PRCC: variants seen among roughly 807,000 people sequenced by gnomAD.
The protein encoded by PRCC is proline-rich protein PRCC.
Under a neutral mutation model 44.0 loss-of-function variants are expected in PRCC, and 10 were observed. The observed-to-expected ratio is 0.23, with a 90% confidence interval of 0.14 to 0.39. The LOEUF (loss-of-function observed/expected upper bound fraction) is 0.39. Among genes scored for constraint, PRCC ranks in the 10% least tolerant of loss-of-function variants. PRCC has a pLI of 1.00. For synonymous variants in PRCC, 278 were observed against 259.5 expected (o/e 1.07, Z -0.69); for missense variants, 573 against 624.7 (o/e 0.92, Z 0.88).
intron 2 of PRCC, among the ~76,000 whole-genome samples, chr1:156,785,589 A>C (rs1056416614): frequency 3.5e-5 from 5 of 140,858 alleles, no homozygotes; most frequent in Non-Finnish European, 6.3e-5. Flanking sequence ...TTCCTATCTA[A>C]GGGGGGGAAA....
Position 156,768,075 on chromosome 1 carries a change from G to A in PRCC, c.304G>A (p.Ala102Thr). The A allele has an allele frequency of 1.3e-6, 2 of 1,590,858 alleles. No individual in the cohort carries two copies. Among genetic ancestry groups the A allele is most frequent in the South Asian group, 1.1e-5 (1 of 88,148 alleles). ...TCCAGGCGTGAGCCCGGCTGAAGCG[G>A]CGGGAGTTGGGGAGGGACTGGGATT... is the stretch of plus-strand genomic sequence containing the variant. ...PPPGVSPAEA[A>T]GVGEGLGLGL... The change falls in exon 1 of 7, where the codon GCG becomes ACG. Residue 102 changes from alanine (A) to threonine (T), a missense_variant. Ala to Thr is a moderately conservative substitution (Grantham distance 58). This residue lies in a region of PRCC where 245 missense variants were observed against 188.5 expected (regional missense o/e 1.30). Coordinates refer to ENST00000271526, the MANE Select transcript of PRCC (RefSeq NM_005973.5).
In PRCC at chr1:156,782,282, T is replaced by G; in HGVS notation, c.469T>G (p.Ser157Ala). Reference sequence around the variant, plus strand: ...CTTACTTCATTTCTTTTTCTCTTAGTCAGATTCTGAGGAAGATGAACCCAC... The same window carrying G: ...CTTACTTCATTTCTTTTTCTCTTAGGCAGATTCTGAGGAAGATGAACCCAC... ...IAAPELHKGD[S>A]DSEEDEPTKK... is the part of the protein sequence containing the mutation. The change falls in exon 2 of 7, where the codon TCA (serine) becomes GCA (alanine). Residue 157 changes from serine to alanine, a missense_variant and splice_region_variant. Ser to Ala is a moderately conservative substitution (Grantham distance 99, BLOSUM62 1). Transcript: ENST00000271526. 6.2e-7 allele frequency: 1 copy of G among 1,604,584 alleles called. No homozygotes were observed. The highest frequency in any genetic ancestry group is 8.5e-7 in the Non-Finnish European group (1 of 1,171,712).
In PRCC at chr1:156,791,746, C is replaced by G. The variant is rs780076114; in HGVS notation, c.1133C>G (p.Pro378Arg). The change falls in exon 4 of 7, where the codon CCC becomes CGC. Residue 378 changes from proline to arginine, a missense_variant. This residue lies in a region of PRCC where 141 missense variants were observed against 130.2 expected (regional missense o/e 1.08). Coordinates refer to ENST00000271526, the MANE Select transcript of PRCC (RefSeq NM_005973.5). The stretch of plus-strand genomic sequence containing the variant: ...CCTGCACAGGACCCGGCCCTGGTCC[C>G]CCCCCAGGAAATTGCCCCAGATGCC... The part of the protein sequence containing the change: ...YYPAQDPALV[P>R]PQEIAPDASF... 1.9e-6 allele frequency: 3 copies of G among 1,613,926 alleles called. No homozygotes were observed. Among genetic ancestry groups the G allele is most frequent in the Admixed American group, 1.7e-5 (1 of 59,962 alleles).
chr1:156,780,264 G>T (rs1186595808), intron 1 of PRCC, among the ~76,000 whole-genome samples: 3 of 151,368 alleles, frequency 2.0e-5, no homozygotes, highest in Non-Finnish European at 4.4e-5. Context: ...TTACCATGTT[G>T]TCTGGGCTGG....
Position 156,786,715 on chromosome 1 carries a change from C to G in PRCC, c.624C>G (p.Pro208=), listed in dbSNP as rs1004630053. The G allele has an allele frequency of 2.5e-6, 4 of 1,614,198 alleles. No homozygotes were observed. Among genetic ancestry groups the G allele is most frequent in the Non-Finnish European group, 2.5e-6 (3 of 1,180,046 alleles). Residue 208 remains proline (P), a synonymous_variant, in exon 3 of 7, where the codon CCC becomes CCG. Transcript: ENST00000271526. ...LLLPHAFSRK[P]SDGSPDTKPS... is the part of the protein sequence containing the mutation. ...TGCCCCATGCCTTCTCCCGCAAACC[C>G]TCGGATGGCTCCCCTGATACTAAGC...
In PRCC at chr1:156,787,014, C is replaced by T. The variant is rs144413095; in HGVS notation, c.923C>T (p.Pro308Leu). The change falls in exon 3 of 7, where the codon CCA becomes CTA. Residue 308 changes from proline (P) to leucine (L), a missense_variant. By Grantham distance (98) the Pro-to-Leu change is moderately conservative (BLOSUM62 -3). This residue lies in a region of PRCC where 141 missense variants were observed against 130.2 expected (regional missense o/e 1.08). Transcript: ENST00000271526. ...GAAGAGCTGCCTCCAGGCACGGAAC[C>T]AGAGCCGGCTTTCCAGGACGATGCA... ...VPEELPPGTE[P>L]EPAFQDDAAN... 3 of 1,614,268 alleles carry T rather than the reference C, an allele frequency of 1.9e-6. No individual in the cohort carries two copies. Among genetic ancestry groups the T allele is most frequent in the Non-Finnish European group, 2.5e-6 (3 of 1,180,042 alleles).
At chr1:156,788,229 T>G (rs1005594199) in intron 3 of PRCC, among the ~76,000 whole-genome samples, 1 of 152,222 alleles carries the variant, frequency 6.6e-6, no homozygotes, top group Non-Finnish European at 1.5e-5. Context: ...CAGTGTTTAG[T>G]TCCTATTTAT....
In PRCC at chr1:156,767,697, A is replaced by G; in HGVS notation, c.-75A>G. On this transcript the variant is annotated 5_prime_UTR_variant, in exon 1 of 7. Coordinates refer to ENST00000271526, the MANE Select transcript of PRCC (RefSeq NM_005973.5). ...CCCGCCCCGCCAGGTGGCGGGGCCTACTAGGCCTCCGGGCATCCCCGGTCT... is the reference window on the plus strand; with the variant it reads ...CCCGCCCCGCCAGGTGGCGGGGCCTGCTAGGCCTCCGGGCATCCCCGGTCT... 1 of 1,443,406 alleles carries G rather than the reference A, an allele frequency of 6.9e-7. No individual in the cohort carries two copies. Among genetic ancestry groups the G allele is most frequent in the Non-Finnish European group, 9.2e-7 (1 of 1,082,610 alleles). The allele number at this position is 1,443,406 out of a possible 1,614,324, so 89.4% of individuals were successfully genotyped here. A position where few individuals can be genotyped will look rare whatever the true frequency, so the allele number is the denominator to read the frequency against.
intron 1 of PRCC, among the ~76,000 whole-genome samples, chr1:156,770,500 G>A (rs1233581322): frequency 6.6e-6 from 1 of 152,198 alleles, no homozygotes; most frequent in East Asian, 1.9e-4. Flanking sequence ...TCAGCCTCCC[G>A]AGTAGCTGGG....
intron 2 of PRCC, 107 bp downstream of exon 2, chr1:156,782,436 G>A (rs1652082033): frequency 9.9e-7 from 1 of 1,010,586 alleles, no homozygotes; most frequent in South Asian, 1.6e-5. Flanking sequence ...AGCAAACACA[G>A]ATATTTGAGG....
At chr1:156,786,524 G>T in intron 2 of PRCC, 84 bp from the exon 3 acceptor site, 1 of 1,381,220 alleles carries the variant, frequency 7.2e-7, no homozygotes, top group Non-Finnish European at 1.0e-6. Flanking sequence ...GAACTTATCT[G>T]TAACTGTTGT....
intron 2 of PRCC, among the ~76,000 whole-genome samples, chr1:156,786,315 GAC>G (rs1652242952): frequency 1.3e-5 from 2 of 152,132 alleles, no homozygotes; most frequent in African/African-American, 2.4e-5. Context: ...ATTTGTTGAA[GAC>G]ACAGAGTTGA....
chr1:156,767,651 A>T lies in PRCC; in HGVS notation c.-121A>T. Reference sequence around the variant, plus strand: ...TGCCGGGGCTAGCCCTAGAGTACGGAGCAGGCGGACTTTTCGGTTCCCCGC... The same window carrying T: ...TGCCGGGGCTAGCCCTAGAGTACGGTGCAGGCGGACTTTTCGGTTCCCCGC... On this transcript the variant is annotated 5_prime_UTR_variant, in exon 1 of 7. Coordinates refer to ENST00000271526, the MANE Select transcript of PRCC (RefSeq NM_005973.5). The T allele has an allele frequency of 1.0e-6, 1 of 973,758 alleles. No individual in the cohort carries two copies. Among genetic ancestry groups the T allele is most frequent in the South Asian group, 1.7e-5 (1 of 58,056 alleles). The allele number at this position is 973,758 out of a possible 1,614,324, so 60.3% of individuals were successfully genotyped here.
chr1:156,787,119 G>T lies in PRCC; in HGVS notation c.1028G>T (p.Ser343Ile). 1 of 1,613,738 alleles carries T rather than the reference G, an allele frequency of 6.2e-7. No individual in the cohort carries two copies. Among genetic ancestry groups the T allele is most frequent in the South Asian group, 1.1e-5 (1 of 91,064 alleles). The change falls in exon 3 of 7, where the codon AGC becomes ATC. Residue 343 changes from serine (S) to isoleucine (I), a missense_variant. This residue lies in a region of PRCC where 141 missense variants were observed against 130.2 expected (regional missense o/e 1.08). Coordinates refer to ENST00000271526, the MANE Select transcript of PRCC (RefSeq NM_005973.5). Reference protein sequence around the residue: ...PWMPKPGDDYSYNQFSTYGDA... With the variant: ...PWMPKPGDDYIYNQFSTYGDA... ...ATGCCTAAGCCTGGGGACGACTACA[G>T]CTACAATCAGTTTTCCACATATGGC...
At chr1:156,798,231 A>G (rs1443152356) in intron 6 of PRCC, among the ~76,000 whole-genome samples, 1 of 152,188 alleles carries the variant, frequency 6.6e-6, no homozygotes, top group Non-Finnish European at 1.5e-5. Context: ...CTTACCGATA[A>G]CACATATTTT....
intron 5 of PRCC, chr1:156,796,359 T>A (rs889541836): frequency 6.6e-6 from 1 of 152,248 alleles, no homozygotes; most frequent in African/African-American, 2.4e-5. Context: ...ATGGTCCTTG[T>A]CCTTGAGGAG....
intron 1 of PRCC, among the ~76,000 whole-genome samples, chr1:156,770,395 A>G (rs967029041): frequency 1.3e-5 from 2 of 152,178 alleles, no homozygotes; most frequent in Non-Finnish European, 2.9e-5. Context: ...ATCTTTTGAG[A>G]TGTAGTTTCG....
chr1:156,776,755 A>G (rs138672835), intron 1 of PRCC, among the ~76,000 whole-genome samples: 70 of 152,288 alleles, frequency 4.6e-4, no homozygotes, highest in South Asian at 1.2e-3. Flanking sequence ...CCTGTTGCCT[A>G]TGATGTCAAA....
chr1:156,775,722 G>A (rs1651805855), intron 1 of PRCC, among the ~76,000 whole-genome samples: 1 of 152,088 alleles, frequency 6.6e-6, no homozygotes, highest in Non-Finnish European at 1.5e-5. Flanking sequence ...TATTGGCCAG[G>A]CTGGTCTCGA....
Sources: allele counts gnomAD v4.1 joint callset (sites outside exome capture counted in the v4.1 genomes callset), GRCh38; gene constraint gnomAD v4.1.1; regional missense constraint gnomAD v4.1.1; transcripts MANE v1.5; gene names NCBI Gene and HGNC (gene_info 2026-07-23, HGNC 2026-07-21).